Variants in CTNNA2 observed in about 807,000 individuals in gnomAD.
CTNNA2 encodes catenin alpha 2.
A neutral mutation model predicts 101.0 loss-of-function variants in CTNNA2; 42 were observed. That is an observed-to-expected ratio of 0.42 (90% CI 0.32 to 0.54). The LOEUF (loss-of-function observed/expected upper bound fraction) is 0.54, where lower values mean the gene tolerates loss of function less well. Among genes scored for constraint, CTNNA2 ranks in the 20% least tolerant of loss-of-function variants. CTNNA2 has a pLI of 0.14. For synonymous variants in CTNNA2, 450 were observed against 456.4 expected, an observed-to-expected ratio of 0.99 and a Z score of 0.18; for missense variants, 871 against 1,223.1, an observed-to-expected ratio of 0.71 and a Z score of 4.29.
chr2:80,596,282 T>A (rs868287369), intron 15 of CTNNA2, among the ~76,000 whole-genome samples: 1 of 23,118 alleles, frequency 4.3e-5, no homozygotes, highest in Non-Finnish European at 7.5e-5. Context: ...CAAGGTTGTT[T>A]TTTTTTTTTT....
intron 7 of CTNNA2, chr2:80,028,291 C>T (rs1255793326): frequency 2.6e-5 from 4 of 152,262 alleles, no homozygotes; most frequent in African/African-American, 4.8e-5. Flanking sequence ...GGGTTGCTTT[C>T]GCAGCAAAAC....
intron 9 of CTNNA2, among the ~76,000 whole-genome samples, chr2:80,436,999 G>A (rs1333839069): frequency 1.3e-5 from 2 of 152,106 alleles, no homozygotes; most frequent in African/African-American, 2.4e-5. Flanking sequence ...GAAGTGACTG[G>A]GTAATGAGGG....
At chr2:79,409,191 G>T (rs1217945471) in intron 4 of CTNNA2, among the ~76,000 whole-genome samples, 6 of 152,104 alleles carry the variant, frequency 3.9e-5, no homozygotes, top group Non-Finnish European at 8.8e-5. Flanking sequence ...TGTAGATTCT[G>T]GATATTAGCC....
intron 7 of CTNNA2, among the ~76,000 whole-genome samples, chr2:79,936,730 T>C (rs967774003): frequency 2.0e-5 from 3 of 152,130 alleles, no homozygotes; most frequent in Admixed American, 6.5e-5. Context: ...TTTCCAGGGG[T>C]AGAGGTCTAA....
intron 2 of CTNNA2, among the ~76,000 whole-genome samples, chr2:79,720,488 G>A (rs2104859379): frequency 6.6e-6 from 1 of 152,164 alleles, no homozygotes; most frequent in South Asian, 2.1e-4. Flanking sequence ...AGGCACTATG[G>A]TCATTTTAAC....
chr2:80,639,216 T>G (rs191759989), intron 18 of CTNNA2, among the ~76,000 whole-genome samples: 9 of 152,212 alleles, frequency 5.9e-5, no homozygotes, highest in Admixed American at 5.2e-4. Context: ...TTAATGTGGT[T>G]TTGTTTGTTT....
intron 9 of CTNNA2, among the ~76,000 whole-genome samples, chr2:80,469,936 G>A (rs1192956364): frequency 6.6e-6 from 1 of 152,040 alleles, no homozygotes; most frequent in African/African-American, 2.4e-5. Flanking sequence ...CCTTGAAAAG[G>A]TCCCACTTTT....
intron 7 of CTNNA2, among the ~76,000 whole-genome samples, chr2:80,005,200 T>C (rs1693250908): frequency 6.6e-6 from 1 of 152,160 alleles, no homozygotes; most frequent in African/African-American, 2.4e-5. Flanking sequence ...TTTAGGGCCC[T>C]GCATGCAGTT....
At chr2:80,526,733 TAAA>T (rs1302723916) in intron 9 of CTNNA2, among the ~76,000 whole-genome samples, 1 of 152,164 alleles carries the variant, frequency 6.6e-6, no homozygotes, top group African/African-American at 2.4e-5. Context: ...ATAGAGCTTA[TAAA>T]AAAGTGTTTG....
chr2:80,508,731 AACC>A (rs1688475785), intron 9 of CTNNA2, among the ~76,000 whole-genome samples: 1 of 151,978 alleles, frequency 6.6e-6, no homozygotes, highest in African/African-American at 2.4e-5. Flanking sequence ...TAGTGAAGGA[AACC>A]ACTGACCTCC....
intron 1 of CTNNA2, among the ~76,000 whole-genome samples, chr2:79,529,415 T>G (rs938076604): frequency 4.6e-5 from 7 of 152,280 alleles, no homozygotes; most frequent in South Asian, 2.1e-4. Flanking sequence ...GACATCCAGA[T>G]GCAAGTCTTC....
At chr2:79,222,753 A>G (rs1674361272) in intron 2 of CTNNA2, among the ~76,000 whole-genome samples, 1 of 151,880 alleles carries the variant, frequency 6.6e-6, no homozygotes, top group African/African-American at 2.4e-5. Context: ...TCATAAGTTG[A>G]CATCTTAGTT....
intron 1 of CTNNA2, among the ~76,000 whole-genome samples, chr2:79,641,215 T>C (rs1425928143): frequency 6.6e-6 from 1 of 152,200 alleles, no homozygotes. Flanking sequence ...AAGCAATGTT[T>C]AGGATAATTA....
intron 3 of CTNNA2, among the ~76,000 whole-genome samples, chr2:79,792,609 G>T (rs1675369843): frequency 6.6e-6 from 1 of 150,794 alleles, no homozygotes; most frequent in Non-Finnish European, 1.5e-5. Flanking sequence ...TACCTTTTTT[G>T]GGAAAAAAAA....
At chr2:79,549,056 C>T (rs1309560064) in intron 1 of CTNNA2, among the ~76,000 whole-genome samples, 1 of 152,164 alleles carries the variant, frequency 6.6e-6, no homozygotes, top group African/African-American at 2.4e-5. Flanking sequence ...CATAGTAATA[C>T]TTCAGAAACT....
intron 9 of CTNNA2, among the ~76,000 whole-genome samples, chr2:80,526,751 G>A (rs1690075894): frequency 3.9e-5 from 6 of 152,218 alleles, no homozygotes; most frequent in Admixed American, 3.9e-4. Flanking sequence ...TGTTTGCACA[G>A]TTAAAACTCA....
intron 15 of CTNNA2, among the ~76,000 whole-genome samples, chr2:80,600,602 C>T (rs2149765753): frequency 6.6e-6 from 1 of 152,288 alleles, no homozygotes; most frequent in African/African-American, 2.4e-5. Flanking sequence ...GAGACTCAGT[C>T]TCCTCTGTCA....
intron 2 of CTNNA2, among the ~76,000 whole-genome samples, chr2:79,225,282 C>T (rs981409099): frequency 3.3e-5 from 5 of 152,104 alleles, no homozygotes; most frequent in African/African-American, 9.7e-5. Flanking sequence ...TGCTCCATGT[C>T]CTTGCTAACC....
intron 7 of CTNNA2, among the ~76,000 whole-genome samples, chr2:80,091,341 T>C (rs1699777327): frequency 6.6e-6 from 1 of 152,094 alleles, no homozygotes; most frequent in African/African-American, 2.4e-5. Context: ...TCAGGTTTAG[T>C]CACAGGCTGT....
Sources: gnomAD v4.1 joint callset for allele counts (sites outside exome capture counted in the v4.1 genomes callset) on GRCh38, gnomAD v4.1.1 for gene constraint, MANE v1.5 for transcripts, NCBI Gene and HGNC (gene_info 2026-07-23, HGNC 2026-07-21) for gene names.